DTNB: variants seen among roughly 807,000 people sequenced by gnomAD.
DTNB encodes dystrobrevin beta, also known as DTN-B.
Under a neutral mutation model 90.7 loss-of-function variants are expected in DTNB, and 63 were observed. The observed-to-expected ratio is 0.69, with a 90% CI of 0.57 to 0.86. The LOEUF (loss-of-function observed/expected upper bound fraction) is 0.86. Ranked by LOEUF, DTNB falls within the 40% of genes least tolerant of loss-of-function variation. The pLI is 0.00. For synonymous variants in DTNB, 277 were observed against 286.7 expected (o/e 0.97, Z 0.34); for missense variants, 744 against 807.1 (o/e 0.92, Z 0.95).
chr2:25,405,756 G>A (rs906037275), intron 16 of DTNB, among the ~76,000 whole-genome samples: 60 of 152,256 alleles, frequency 3.9e-4, no homozygotes, highest in African/African-American at 1.4e-3. Flanking sequence ...GAAAATGCCT[G>A]CTGACTCCTG....
intron 6 of DTNB, among the ~76,000 whole-genome samples, chr2:25,589,249 T>C (rs958972183): frequency 1.3e-5 from 2 of 151,948 alleles, no homozygotes; most frequent in Non-Finnish European, 2.9e-5. Context: ...TGGTGCCCAA[T>C]AAAGTGTTAT....
At chr2:25,595,932 C>T (rs552990541) in intron 6 of DTNB, among the ~76,000 whole-genome samples, 154 bp downstream of exon 6, 12 of 144,142 alleles carry the variant, frequency 8.3e-5, no homozygotes, top group South Asian at 4.8e-4. Flanking sequence ...TTTTACCCCC[C>T]GCTTTTATTC....
In DTNB at chr2:25,463,372, C is replaced by T. The variant is rs562095046; in HGVS notation, c.1080-7878G>A. On this transcript the variant is annotated intron_variant, in intron 10 of 20. Coordinates refer to ENST00000406818, the MANE Select transcript of DTNB (RefSeq NM_021907.5). ...CACCTCCACTGCCGCCATGACTTCT[C>T]CTGAGCAACTTCTTAGGAGTTCTCG... is the stretch of plus-strand genomic sequence containing the variant. Among the ~76,000 whole-genome samples, 3 of 152,326 alleles carry T rather than the reference C, an allele frequency of 2.0e-5. No individual in the cohort carries two copies. The South Asian group carries it at 6.2e-4, about 32-fold the overall frequency.
chr2:25,477,469 T>C (rs2150350279), intron 10 of DTNB, among the ~76,000 whole-genome samples: 1 of 152,344 alleles, frequency 6.6e-6, no homozygotes, highest in Admixed American at 6.5e-5. Context: ...AAAGTAAATA[T>C]GCTATGATAA....
At chr2:25,510,571 G>A (rs943051819) in intron 9 of DTNB, among the ~76,000 whole-genome samples, 2 of 151,308 alleles carry the variant, frequency 1.3e-5, no homozygotes, top group South Asian at 2.1e-4. Context: ...ACAGTGATGC[G>A]ATCTCGGCTC....
chr2:25,503,518 A>T (rs142540010), intron 9 of DTNB, among the ~76,000 whole-genome samples: 179 of 152,238 alleles, frequency 1.2e-3, no homozygotes, highest in African/African-American at 4.2e-3. Flanking sequence ...ACCAAGCAAA[A>T]CTATTAGAGT....
intron 8 of DTNB, among the ~76,000 whole-genome samples, chr2:25,571,787 A>G (rs527978607): frequency 6.6e-6 from 1 of 151,952 alleles, no homozygotes; most frequent in Non-Finnish European, 1.5e-5. Flanking sequence ...AGACCATTCT[A>G]TTTGGTCAAT....
intron 16 of DTNB, among the ~76,000 whole-genome samples, chr2:25,397,115 G>T (rs1429302849): frequency 1.3e-5 from 2 of 148,816 alleles, no homozygotes; most frequent in Non-Finnish European, 3.0e-5. Flanking sequence ...TCCATTCCTA[G>T]GTATATATCC....
chr2:25,437,737 G>A (rs896606190), intron 12 of DTNB, among the ~76,000 whole-genome samples: 3 of 152,276 alleles, frequency 2.0e-5, no homozygotes, highest in South Asian at 4.2e-4. Context: ...TTTGGCCAGA[G>A]AGACATGAAG....
intron 9 of DTNB, among the ~76,000 whole-genome samples, chr2:25,496,341 A>C (rs1471899030): frequency 6.6e-6 from 1 of 152,174 alleles, no homozygotes; most frequent in Non-Finnish European, 1.5e-5. Context: ...TGTAGATGCT[A>C]AGTCCTGTAT....
intron 10 of DTNB, among the ~76,000 whole-genome samples, chr2:25,465,672 C>T (rs1355111674): frequency 6.6e-6 from 1 of 152,114 alleles, no homozygotes; most frequent in Non-Finnish European, 1.5e-5. Flanking sequence ...CCCATTCCCT[C>T]TGCCTGGAAC....
chr2:25,526,163 G>A (rs1201055342), intron 9 of DTNB, among the ~76,000 whole-genome samples: 1 of 151,574 alleles, frequency 6.6e-6, no homozygotes, highest in Non-Finnish European at 1.5e-5. Context: ...CTCCTGGTCA[G>A]GATTCACAGA....
chr2:25,420,396 A>C (rs756403250), intron 15 of DTNB, among the ~76,000 whole-genome samples: 7 of 107,488 alleles, frequency 6.5e-5, no homozygotes, highest in Admixed American at 1.7e-4. Flanking sequence ...TCATTAATTC[A>C]ATACAGGTTT....
At chr2:25,592,466 T>C (rs1207748999) in intron 6 of DTNB, among the ~76,000 whole-genome samples, 3 of 152,180 alleles carry the variant, frequency 2.0e-5, no homozygotes, top group Non-Finnish European at 4.4e-5. Context: ...GCTATCCTAA[T>C]AGATGGGTTC....
Position 25,434,011 on chromosome 2 carries a change from C to G in DTNB, c.1258-16G>C, listed in dbSNP as rs1395949. On this transcript the variant is annotated splice_polypyrimidine_tract_variant and intron_variant, in intron 12 of 20. Transcript: ENST00000406818. ...GAGGACGAGTCTAAAGTGGGGAAGT[C>G]GGGAGAAAGTTTTTTTTTTTCTGAT... 1,446,667 of 1,605,266 alleles carry G rather than the reference C, an allele frequency of 0.9. 654,963 individuals are homozygous for G. Among genetic ancestry groups the G allele is most frequent in the Non-Finnish European group, 0.93 (1,089,603 of 1,177,328 alleles).
chr2:25,530,339 A>G (rs1249086920), intron 9 of DTNB, among the ~76,000 whole-genome samples: 3 of 152,152 alleles, frequency 2.0e-5, no homozygotes, highest in Non-Finnish European at 4.4e-5. Context: ...TGTGAGGCTG[A>G]AGTGGGAGGA....
chr2:25,462,857 C>T (rs1359827271), intron 10 of DTNB, among the ~76,000 whole-genome samples: 1 of 152,174 alleles, frequency 6.6e-6, no homozygotes, highest in Non-Finnish European at 1.5e-5. Context: ...GCGCCCGCCA[C>T]CACGCCCGGC....
At chr2:25,576,231 T>TG (rs1261164418) in intron 8 of DTNB, among the ~76,000 whole-genome samples, 1 of 145,954 alleles carries the variant, frequency 6.9e-6, no homozygotes, top group African/African-American at 2.6e-5. Flanking sequence ...GTTTTTTTTT[T>TG]TTTTTTTTTT....
chr2:25,592,776 T>C (rs1156537816), intron 6 of DTNB, among the ~76,000 whole-genome samples: 1 of 152,166 alleles, frequency 6.6e-6, no homozygotes. Context: ...ATAAGGTATA[T>C]GAGGAAAACA....
Sources: gnomAD v4.1 joint callset for allele counts (sites outside exome capture counted in the v4.1 genomes callset) on GRCh38, gnomAD v4.1.1 for gene constraint, MANE v1.5 for transcripts, NCBI Gene and HGNC (gene_info 2026-07-23, HGNC 2026-07-21) for gene names.